Variants in DNAJC3 observed in about 807,000 individuals in gnomAD.
DNAJC3 encodes the protein dnaJ homolog subfamily C member 3.
DNAJC3 carries 38 observed loss-of-function variants against 68.6 expected under a neutral mutation model. That is an observed-to-expected ratio of 0.55 (90% CI 0.43 to 0.73). DNAJC3 has a LOEUF of 0.73. DNAJC3 is among the 30% of genes least tolerant of loss of function. The pLI is 0.00. For missense variants in DNAJC3, 526 were observed against 591.9 expected (o/e 0.89, Z 1.16); for synonymous variants, 203 against 204.0 (o/e 1.00, Z 0.04).
chr13:95,724,843 G>A (rs536869608), intron 3 of DNAJC3, among the ~76,000 whole-genome samples: 1 of 152,070 alleles, frequency 6.6e-6, no homozygotes, highest in Non-Finnish European at 1.5e-5. Flanking sequence ...GAGTAATATT[G>A]TATGGATATA....
chr13:95,787,996 G>A (rs1237882344), intron 11 of DNAJC3, among the ~76,000 whole-genome samples: 1 of 152,048 alleles, frequency 6.6e-6, no homozygotes, highest in Non-Finnish European at 1.5e-5. Context: ...AAACAAAAGA[G>A]AGGAAAGTTT....
intron 1 of DNAJC3, 123 bp from the exon 2 acceptor site, chr13:95,709,104 C>A: frequency 1.7e-6 from 1 of 595,078 alleles, no homozygotes; most frequent in Non-Finnish European, 2.6e-6. Context: ...CATTTTTCAG[C>A]TTCTGTGACT....
chr13:95,680,275 A>C (rs1879878092), intron 1 of DNAJC3, among the ~76,000 whole-genome samples: 1 of 152,106 alleles, frequency 6.6e-6, no homozygotes, highest in Admixed American at 6.6e-5. Context: ...ATCTGGACCC[A>C]ATTTTTCTTT....
intron 11 of DNAJC3, among the ~76,000 whole-genome samples, chr13:95,789,923 GTCT>G (rs1883715914): frequency 6.6e-6 from 1 of 152,036 alleles, no homozygotes; most frequent in Non-Finnish European, 1.5e-5. Context: ...CCGCATATAT[GTCT>G]TCTTTTGAGA....
chr13:95,710,234 T>C (rs752221502), intron 2 of DNAJC3, among the ~76,000 whole-genome samples: 5 of 14,762 alleles, frequency 3.4e-4, no homozygotes, highest in Non-Finnish European at 5.2e-4. Context: ...TTTTCTTTTC[T>C]TTTTTTTTTT....
At position 95,785,451 on chromosome 13, in the gene DNAJC3, C is replaced by CT. The variant is rs1566517621; in HGVS notation, c.1076-488_1076-487insT. ...AGTTTTCATTATTATGCCTTTTAAACCTTTTTTTTTTTTTTTTTTTTTTTT... is the reference window on the plus strand; with the variant it reads ...AGTTTTCATTATTATGCCTTTTAAACTCTTTTTTTTTTTTTTTTTTTTTTTT... On this transcript the variant is annotated intron_variant, in intron 9 of 11. Transcript: ENST00000602402. Among the ~76,000 whole-genome samples, 173 of 126,080 alleles carry CT rather than the reference C, an allele frequency of 1.4e-3. 3 individuals are homozygous for CT. Among genetic ancestry groups the CT allele is most frequent in the African/African-American group, 5.5e-3 (167 of 30,096 alleles). The allele number at this position is 126,080 out of a possible 152,430, so 82.7% of individuals were successfully genotyped here. A position where few individuals can be genotyped will look rare whatever the true frequency, so the allele number is the denominator to read the frequency against.
At chr13:95,736,357 A>T (rs1472545338) in intron 4 of DNAJC3, among the ~76,000 whole-genome samples, 1 of 150,548 alleles carries the variant, frequency 6.6e-6, no homozygotes, top group Admixed American at 6.6e-5. Flanking sequence ...AATTCTGTGA[A>T]GAAAGTCATT....
chr13:95,721,139 A>G (rs1193573494), intron 2 of DNAJC3, among the ~76,000 whole-genome samples: 1 of 152,200 alleles, frequency 6.6e-6, no homozygotes, highest in African/African-American at 2.4e-5. Flanking sequence ...GGTACCTCAT[A>G]TTAGTGAAAT....
chr13:95,757,008 A>G (rs1326673142), intron 4 of DNAJC3, among the ~76,000 whole-genome samples: 1 of 152,204 alleles, frequency 6.6e-6, no homozygotes, highest in Admixed American at 6.6e-5. Context: ...TGAAATGAGC[A>G]ATTTTATGCT....
At chr13:95,757,281 AAAAT>A (rs1439087029) in intron 4 of DNAJC3, among the ~76,000 whole-genome samples, 4 of 152,072 alleles carry the variant, frequency 2.6e-5, no homozygotes, top group Non-Finnish European at 4.4e-5. Context: ...AGTAGAAGGC[AAAAT>A]AAATAAAACT....
intron 10 of DNAJC3, 74 bp downstream of exon 10, chr13:95,786,145 CCT>C: frequency 1.4e-6 from 2 of 1,392,698 alleles, no homozygotes; most frequent in Non-Finnish European, 1.9e-6. Flanking sequence ...TGCTCTTTTT[CCT>C]CTCTGATTCA....
intron 4 of DNAJC3, among the ~76,000 whole-genome samples, chr13:95,751,158 C>A (rs1882468566): frequency 6.6e-6 from 1 of 152,154 alleles, no homozygotes; most frequent in South Asian, 2.1e-4. Context: ...TCACTTGAAC[C>A]CAGGGCTCTG....
intron 1 of DNAJC3, among the ~76,000 whole-genome samples, chr13:95,683,475 T>TC (rs1879980660): frequency 6.6e-6 from 1 of 152,096 alleles, no homozygotes; most frequent in Non-Finnish European, 1.5e-5. Context: ...GTGCAGTATC[T>TC]CCCCCCTCTC....
At chr13:95,683,390 T>C (rs752169898) in intron 1 of DNAJC3, among the ~76,000 whole-genome samples, 5 of 151,902 alleles carry the variant, frequency 3.3e-5, no homozygotes, top group Non-Finnish European at 7.4e-5. Context: ...ATGGGGGTGG[T>C]TTCTAATGGT....
At chr13:95,740,071 G>A (rs1315389141) in intron 4 of DNAJC3, among the ~76,000 whole-genome samples, 12 of 152,178 alleles carry the variant, frequency 7.9e-5, no homozygotes, top group African/African-American at 2.2e-4. Flanking sequence ...ATACCCTGCC[G>A]TGTGAGGTGT....
At chr13:95,712,291 C>G (rs1880995847) in intron 2 of DNAJC3, among the ~76,000 whole-genome samples, 1 of 152,040 alleles carries the variant, frequency 6.6e-6, no homozygotes, top group Non-Finnish European at 1.5e-5. Context: ...CTCACCACCA[C>G]TGAGATTGAG....
rs558776671 is a variant in DNAJC3 at position 95,793,292 on chromosome 13, C to T, written c.*2262C>T. ...GTTGAGTTTCAGCCTTGATGGCTGTCGGCAGTTTTCTGGTGTCCACCCAAA... is the reference window on the plus strand; with the variant it reads ...GTTGAGTTTCAGCCTTGATGGCTGTTGGCAGTTTTCTGGTGTCCACCCAAA... On this transcript the variant is annotated 3_prime_UTR_variant, in exon 12 of 12. Coordinates refer to ENST00000602402, the MANE Select transcript of DNAJC3 (RefSeq NM_006260.5). 6 of 152,144 alleles carry T rather than the reference C, an allele frequency of 3.9e-5. No individual in the cohort carries two copies. The highest frequency in any genetic ancestry group is 6.5e-5 in the Admixed American group (1 of 15,292). 9.4% of individuals were successfully genotyped at this position (152,144 alleles called of 1,614,324 possible). A position where few individuals can be genotyped will look rare whatever the true frequency, so the allele number is the denominator to read the frequency against.
Position 95,794,768 on chromosome 13 carries a change from T to TAAAC in DNAJC3, c.*3740_*3743dup, listed in dbSNP as rs1370359518. ...AGTGGAAAGCCGAGCAAGGAGGAGGTAAACATTGGAGATGTTTGTGAAAAT... is the reference window on the plus strand; with the variant it reads ...AGTGGAAAGCCGAGCAAGGAGGAGGTAAACAAACATTGGAGATGTTTGTGAAAAT... On this transcript the variant is annotated 3_prime_UTR_variant, in exon 12 of 12. Transcript: ENST00000602402. 1 of 152,220 alleles carries TAAAC rather than the reference T, an allele frequency of 6.6e-6. No individual in the cohort carries two copies. Among genetic ancestry groups the TAAAC allele is most frequent in the African/African-American group, 2.4e-5 (1 of 41,456 alleles). 9.4% of individuals were successfully genotyped at this position (152,220 alleles called of 1,614,324 possible). A position where few individuals can be genotyped will look rare whatever the true frequency, so the allele number is the denominator to read the frequency against.
chr13:95,696,434 T>C (rs1880441192), intron 1 of DNAJC3, among the ~76,000 whole-genome samples: 1 of 152,230 alleles, frequency 6.6e-6, no homozygotes, highest in Non-Finnish European at 1.5e-5. Flanking sequence ...CACATTTCAC[T>C]TAAATAAGAC....
Sources: gnomAD v4.1 joint callset for allele counts (sites outside exome capture counted in the v4.1 genomes callset) on GRCh38, gnomAD v4.1.1 for gene constraint, MANE v1.5 for transcripts, NCBI Gene and HGNC (gene_info 2026-07-23, HGNC 2026-07-21) for gene names.